LOXL1: variants seen among roughly 807,000 people sequenced by gnomAD.
LOXL1 encodes lysyl oxidase like 1.
Under a neutral mutation model 62.2 loss-of-function variants are expected in LOXL1, and 31 were observed. The observed-to-expected ratio is 0.50, with a 90% confidence interval of 0.37 to 0.67. The LOEUF (loss-of-function observed/expected upper bound fraction) is 0.67, where lower values mean the gene tolerates loss of function less well. Ranked by LOEUF, LOXL1 falls within the 30% of genes least tolerant of loss-of-function variation. The pLI, the probability that LOXL1 is intolerant of heterozygous loss-of-function variation, is 0.00. For synonymous variants in LOXL1, 403 were observed against 384.4 expected (o/e 1.05, Z -0.56); for missense variants, 775 against 843.4 (o/e 0.92, Z 1.00).
rs111575289 is a variant in LOXL1 at position 73,926,731 on chromosome 15, G to A, written c.-53G>A. The stretch of plus-strand genomic sequence containing the variant: ...GCCGTGGGAAGAGAAGCACGCCCAG[G>A]GGGCCACTCCTGAGAGCCTCTCTGT... On this transcript the variant is annotated 5_prime_UTR_variant, in exon 1 of 7. Coordinates refer to ENST00000261921, the MANE Select transcript of LOXL1 (RefSeq NM_005576.4). 3.0e-3 allele frequency: 4,019 copies of A among 1,350,130 alleles called. 5 individuals are homozygous for A. Among genetic ancestry groups the A allele is most frequent in the Non-Finnish European group, 3.6e-3 (3,718 of 1,045,032 alleles). The allele number at this position is 1,350,130 out of a possible 1,614,324, so 83.6% of individuals were successfully genotyped here.
intron 6 of LOXL1, among the ~76,000 whole-genome samples, chr15:73,950,338 C>A (rs1309617353): frequency 6.6e-6 from 1 of 150,980 alleles, no homozygotes; most frequent in African/African-American, 2.4e-5. Flanking sequence ...AGCTTTAGTT[C>A]ATCAACTGGG....
chr15:73,949,416 C>T (rs1567090368), intron 5 of LOXL1, 43 bp from the exon 6 acceptor site: 1 of 1,174,934 alleles, frequency 8.5e-7, no homozygotes, highest in Non-Finnish European at 1.3e-6. Context: ...GGTGCAGCCC[C>T]CCTGACTAGA....
chr15:73,939,708 T>C (rs1260663090), intron 1 of LOXL1, among the ~76,000 whole-genome samples: 1 of 152,200 alleles, frequency 6.6e-6, no homozygotes, highest in Admixed American at 6.5e-5. Context: ...TTAGAACTTA[T>C]CAAACTGTAC....
At chr15:73,928,972 G>C (rs6495085) in intron 1 of LOXL1, among the ~76,000 whole-genome samples, 33,691 of 151,868 alleles carry the variant, frequency 0.22, 4,482 homozygotes, top group African/African-American at 0.38. Flanking sequence ...GCTTTTCAGG[G>C]GGTGAACATA....
At position 73,927,184 on chromosome 15, in the gene LOXL1, G is replaced by A; in HGVS notation, c.401G>A (p.Gly134Glu). The change falls in exon 1 of 7, where the codon GGG becomes GAG. Residue 134 changes from glycine (G) to glutamate (E), a missense_variant. Physicochemically the swap from Gly to Glu is moderately conservative, Grantham distance 98. Transcript: ENST00000261921. ...GACAACTGGCGCGAGGTGGCCGTCG[G>A]GGACAGCACGGGCATGGCCCGGGCC... ...VPDNWREVAV[G>E]DSTGMARART... 1 of 1,558,724 alleles carries A rather than the reference G, an allele frequency of 6.4e-7. No homozygotes were observed. Among genetic ancestry groups the A allele is most frequent in the South Asian group, 1.2e-5 (1 of 86,856 alleles).
chr15:73,929,954 G>A (rs2068624303), intron 1 of LOXL1, among the ~76,000 whole-genome samples: 1 of 152,244 alleles, frequency 6.6e-6, no homozygotes, highest in African/African-American at 2.4e-5. Context: ...AAGGAAGCCA[G>A]TTGATTGAGA....
At position 73,947,055 on chromosome 15, in the gene LOXL1, C is replaced by G. The variant is rs749884916; in HGVS notation, c.1350-12C>G. ...AGGCCCTCTTCTTTCTCCTTCTCTCCTCTGCCCCTAGGCATTACCACAGCA... is the reference window on the plus strand; with the variant it reads ...AGGCCCTCTTCTTTCTCCTTCTCTCGTCTGCCCCTAGGCATTACCACAGCA... On this transcript the variant is annotated splice_polypyrimidine_tract_variant and intron_variant, in intron 3 of 6. Coordinates refer to ENST00000261921, the MANE Select transcript of LOXL1 (RefSeq NM_005576.4). The G allele has an allele frequency of 1.9e-6, 3 of 1,586,252 alleles. No individual in the cohort carries two copies. Among genetic ancestry groups the G allele is most frequent in the Non-Finnish European group, 2.6e-6 (3 of 1,160,502 alleles).
rs2068588108 is a variant in LOXL1, at chr15:73,927,225, C to T, written c.442C>T (p.Gln148Ter). ...GGCCCGGGCCCGCACCTCCGTCTCC[C>T]AGCAACGGCACGGGGGCTCCGCCTC... is the stretch of plus-strand genomic sequence containing the variant. ...GMARARTSVS[Q>*]QRHGGSASSV... Residue 148 changes from glutamine to a stop codon, truncating the protein, a stop_gained, in exon 1 of 7, where the codon CAG becomes TAG. Transcript: ENST00000261921. LOFTEE classifies it high-confidence loss of function. 6.3e-7 allele frequency: 1 copy of T among 1,596,240 alleles called. No homozygotes were observed. Among genetic ancestry groups the T allele is most frequent in the African/African-American group, 1.4e-5 (1 of 73,534 alleles).
intron 1 of LOXL1, among the ~76,000 whole-genome samples, chr15:73,932,876 C>G (rs911270751): frequency 6.6e-6 from 1 of 152,278 alleles, no homozygotes; most frequent in Admixed American, 6.6e-5. Context: ...AAAGCTGTGT[C>G]GGATCAGACA....
chr15:73,936,968 T>C (rs1298553287), intron 1 of LOXL1, among the ~76,000 whole-genome samples: 1 of 152,252 alleles, frequency 6.6e-6, no homozygotes, highest in African/African-American at 2.4e-5. Context: ...CAACCTGTGT[T>C]CAGGGGCCAG....
At chr15:73,936,913 A>G (rs2068677426) in intron 1 of LOXL1, among the ~76,000 whole-genome samples, 1 of 152,264 alleles carries the variant, frequency 6.6e-6, no homozygotes, top group Non-Finnish European at 1.5e-5. Context: ...TGAACTGAAC[A>G]GCTCCTAAAA....
Position 73,946,586 on chromosome 15 carries a change from C to T in LOXL1, c.1349+32C>T, listed in dbSNP as rs1037286794. Reference sequence around the variant, plus strand: ...GGGGAGGGGCTGGGCCCGTCCTCTTCCACTTCTCCTCTGGGCCAGGGACCT... The same window carrying T: ...GGGGAGGGGCTGGGCCCGTCCTCTTTCACTTCTCCTCTGGGCCAGGGACCT... On this transcript the variant is annotated intron_variant, in intron 3 of 6. Coordinates refer to ENST00000261921, the MANE Select transcript of LOXL1 (RefSeq NM_005576.4). 1.9e-6 allele frequency: 3 copies of T among 1,579,576 alleles called. No homozygotes were observed. The South Asian group carries it at 3.5e-5, about 18-fold the overall frequency.
intron 6 of LOXL1, 136 bp downstream of exon 6, chr15:73,949,710 A>C (rs201115446): frequency 3.0e-6 from 2 of 656,298 alleles, no homozygotes; most frequent in Non-Finnish European, 5.5e-6. Flanking sequence ...AGGGCCCATC[A>C]AAAAGAGCCT....
In LOXL1 at chr15:73,930,585, G is replaced by A. The variant is rs2068628799; in HGVS notation, c.1102+2700G>A. 6.6e-6 allele frequency among the ~76,000 whole-genome samples: 1 copy of A among 152,164 alleles called. No individual in the cohort carries two copies. Among genetic ancestry groups the A allele is most frequent in the Non-Finnish European group, 1.5e-5 (1 of 68,020 alleles). Reference sequence around the variant, plus strand: ...TCCGAGACTGACTTCATTCCTCCTGGCCACACACCCAGGGGTCTGAGGCTG... The same window carrying A: ...TCCGAGACTGACTTCATTCCTCCTGACCACACACCCAGGGGTCTGAGGCTG... On this transcript the variant is annotated intron_variant, in intron 1 of 6. Coordinates refer to ENST00000261921, the MANE Select transcript of LOXL1 (RefSeq NM_005576.4). The surrounding 1 kb of genome is among the most constrained non-coding windows in gnomAD (Gnocchi z 4.7).
At chr15:73,940,095 C>T (rs1352745824) in intron 1 of LOXL1, among the ~76,000 whole-genome samples, 4 of 152,170 alleles carry the variant, frequency 2.6e-5, no homozygotes, top group Non-Finnish European at 4.4e-5. Flanking sequence ...CCATCTGGAG[C>T]GGAGGAGACA....
intron 1 of LOXL1, among the ~76,000 whole-genome samples, chr15:73,942,525 C>A (rs1385380411): frequency 6.6e-6 from 1 of 152,056 alleles, no homozygotes; most frequent in East Asian, 1.9e-4. Context: ...TTTGTTCATG[C>A]TGTTTTCCCT....
Position 73,926,573 on chromosome 15 carries a change from T to G in LOXL1, c.-211T>G, listed in dbSNP as rs2068577687. ...CCCTGCGGAGAGCCTCGTGCAGCCC[T>G]GGGCACCGCCCCTGCCCTGCCCTGA... On this transcript the variant is annotated 5_prime_UTR_variant, in exon 1 of 7. Transcript: ENST00000261921. The G allele has an allele frequency of 4.2e-6, 2 of 478,166 alleles. No individual in the cohort carries two copies. Among genetic ancestry groups the G allele is most frequent in the Non-Finnish European group, 6.8e-6 (2 of 292,884 alleles). The allele number at this position is 478,166 out of a possible 1,614,324, so 29.6% of individuals were successfully genotyped here. A position where few individuals can be genotyped will look rare whatever the true frequency, so the allele number is the denominator to read the frequency against.
At chr15:73,949,379 T>C (rs1018665652) in intron 5 of LOXL1, 80 bp from the exon 6 acceptor site, 1 of 826,210 alleles carries the variant, frequency 1.2e-6, no homozygotes, top group African/African-American at 1.7e-5. Flanking sequence ...GTCTGCCTCT[T>C]TACCACCTTC....
chr15:73,927,406 CGGGCGGCGGCGTGGGCGCGG>C lies in LOXL1; in HGVS notation c.634_653del (p.Val212ArgfsTer74). On this transcript the variant is annotated frameshift_variant, in exon 1 of 7. Transcript: ENST00000261921. LOFTEE classifies it high-confidence loss of function. ...CAGGGTTTCGTGTACTACCGGCCCG[CGGGCGGCGGCGTGGGCGCGG>C]GGGCGGCGGCCGTGGCCTCGGCGGG... The C allele has an allele frequency of 1.9e-6, 3 of 1,541,152 alleles. No individual in the cohort carries two copies. Among genetic ancestry groups the C allele is most frequent in the Middle Eastern group, 1.7e-4 (1 of 5,716 alleles).
Sources: gnomAD v4.1 joint callset for allele counts (sites outside exome capture counted in the v4.1 genomes callset) on GRCh38, gnomAD v4.1.1 for gene constraint, Gnocchi (gnomAD v3.1) non-coding constraint, MANE v1.5 for transcripts, NCBI Gene and HGNC (gene_info 2026-07-23, HGNC 2026-07-21) for gene names.